The following PHF14 variants were observed in gnomAD, a reference collection of about 807,000 sequenced individuals.
PHF14 encodes PHD finger protein 14.
In PHF14, 55 loss-of-function variants were observed where a neutral mutation model predicts 117.9. The ratio of observed to expected loss-of-function variants is 0.47; its 90% CI spans 0.38 to 0.58. The LOEUF (loss-of-function observed/expected upper bound fraction) is 0.58, where lower values mean the gene tolerates loss of function less well. Ranked by LOEUF, PHF14 falls within the 20% of genes least tolerant of loss-of-function variation. The probability of loss-of-function intolerance (pLI) is 0.00; values close to 1 mark genes in which losing one functional copy is unlikely to be tolerated. For missense variants in PHF14, 978 were observed against 1,122.2 expected, an observed-to-expected ratio of 0.87 and a Z score of 1.84; for synonymous variants, 409 against 368.6, an observed-to-expected ratio of 1.11 and a Z score of -1.26.
At chr7:11,093,341 C>G (rs1786717745) in intron 16 of PHF14, among the ~76,000 whole-genome samples, 1 of 152,112 alleles carries the variant, frequency 6.6e-6, no homozygotes, top group Admixed American at 6.6e-5. Flanking sequence ...AATACTTACG[C>G]CTGAAAAGGG....
chr7:11,146,756 A>T (rs990004144), intron 17 of PHF14, among the ~76,000 whole-genome samples: 3 of 152,194 alleles, frequency 2.0e-5, no homozygotes, highest in South Asian at 2.1e-4. Flanking sequence ...ATGTAAATAT[A>T]AAATAAGATG....
At chr7:11,020,912 A>C (rs577075247) in intron 5 of PHF14, among the ~76,000 whole-genome samples, 1 of 152,280 alleles carries the variant, frequency 6.6e-6, no homozygotes, top group Non-Finnish European at 1.5e-5. Context: ...ATACATCTTT[A>C]TAACTTCCAA....
At chr7:11,076,348 G>T (rs1785848473) in intron 16 of PHF14, among the ~76,000 whole-genome samples, 1 of 152,082 alleles carries the variant, frequency 6.6e-6, no homozygotes, top group African/African-American at 2.4e-5. Flanking sequence ...GGTTTTCAAT[G>T]ATATATTTGT....
chr7:11,014,282 C>G (rs1023765225), intron 5 of PHF14, among the ~76,000 whole-genome samples: 1 of 152,022 alleles, frequency 6.6e-6, no homozygotes, highest in African/African-American at 2.4e-5. Context: ...AACTTTATAT[C>G]AGGAGATAGA....
chr7:11,124,095 GA>G (rs201073448), intron 17 of PHF14, among the ~76,000 whole-genome samples: 3 of 143,994 alleles, frequency 2.1e-5, no homozygotes, highest in Non-Finnish European at 3.1e-5. Flanking sequence ...TTGGTATCAG[GA>G]AAAAAAAATA....
intron 7 of PHF14, among the ~76,000 whole-genome samples, chr7:11,029,359 TACACTATA>T (rs144267396): frequency 0.013 from 1,976 of 152,276 alleles, 41 homozygotes; most frequent in African/African-American, 0.045. Flanking sequence ...CTATTTTCAT[TACACTATA>T]AAAATGTTAC....
At chr7:11,070,548 TCTTC>T in intron 16 of PHF14, among the ~76,000 whole-genome samples, 1 of 152,370 alleles carries the variant, frequency 6.6e-6, no homozygotes, top group South Asian at 2.1e-4. Flanking sequence ...CATATTTTCT[TCTTC>T]CTTCTAAGCC....
intron 2 of PHF14, among the ~76,000 whole-genome samples, chr7:10,980,471 A>G (rs17163867): frequency 0.11 from 16,970 of 152,146 alleles, 1,165 homozygotes; most frequent in African/African-American, 0.2. Flanking sequence ...TTTTTACCAG[A>G]TGTGATTTTT....
chr7:11,162,643 T>C (rs903550117), intron 17 of PHF14, among the ~76,000 whole-genome samples: 14 of 151,914 alleles, frequency 9.2e-5, no homozygotes, highest in African/African-American at 3.1e-4. Flanking sequence ...GGCCTTTTTT[T>C]CCCCAGATCA....
intron 17 of PHF14, among the ~76,000 whole-genome samples, chr7:11,153,107 T>TA (rs1021380193): frequency 2.1e-4 from 32 of 152,342 alleles, no homozygotes; most frequent in African/African-American, 7.2e-4. Context: ...TTACAAAGAT[T>TA]ACTGTCTCCT....
At chr7:10,996,706 G>C (rs1782662571) in intron 4 of PHF14, among the ~76,000 whole-genome samples, 2 of 152,324 alleles carry the variant, frequency 1.3e-5, no homozygotes, top group South Asian at 4.1e-4. Context: ...TTAGGCTGGG[G>C]TTTAAGTAGG....
chr7:11,167,767 GC>G (rs1370923490), intron 17 of PHF14, among the ~76,000 whole-genome samples: 6 of 152,150 alleles, frequency 3.9e-5, no homozygotes, highest in South Asian at 2.1e-4. Context: ...AGTGGCTCAC[GC>G]CTGTAATCCC....
intron 4 of PHF14, among the ~76,000 whole-genome samples, chr7:10,996,076 G>A (rs927731964): frequency 1.1e-4 from 17 of 152,338 alleles, no homozygotes; most frequent in African/African-American, 3.4e-4. Flanking sequence ...CTGCCAGCAC[G>A]CTGTCACCTA....
At chr7:11,059,733 C>T (rs948765119) in intron 14 of PHF14, among the ~76,000 whole-genome samples, 4 of 152,028 alleles carry the variant, frequency 2.6e-5, no homozygotes, top group Non-Finnish European at 5.9e-5. Context: ...GAGATTGCTG[C>T]CACTGCACTC....
rs1270797220 is a variant in PHF14, at chr7:11,042,737, C to T, written c.2235C>T (p.Thr745=). The T allele has an allele frequency of 6.3e-7, 1 of 1,592,610 alleles. No homozygotes were observed. Among genetic ancestry groups the T allele is most frequent in the Non-Finnish European group, 8.6e-7 (1 of 1,165,752 alleles). Reference sequence around the variant, plus strand: ...AGCATCTTCTTTTATTGTGTGATACCTGTAAACTACATTACCATCTTGGAT... The same window carrying T: ...AGCATCTTCTTTTATTGTGTGATACTTGTAAACTACATTACCATCTTGGAT... ...HDQHLLLLCD[T]CKLHYHLGCL... Residue 745 remains threonine, a synonymous_variant, in exon 13 of 18, where the codon ACC becomes ACT. Transcript: ENST00000634607.
intron 14 of PHF14, among the ~76,000 whole-genome samples, chr7:11,058,244 G>T (rs950207003): frequency 1.3e-5 from 2 of 151,956 alleles, no homozygotes; most frequent in African/African-American, 4.8e-5. Flanking sequence ...ACTTATTTTC[G>T]TTTTTCTTGC....
At chr7:11,137,153 A>G (rs1401757333) in intron 17 of PHF14, among the ~76,000 whole-genome samples, 1 of 152,210 alleles carries the variant, frequency 6.6e-6, no homozygotes, top group Admixed American at 6.5e-5. Context: ...TGGGTATCAC[A>G]CAAGCATTAC....
intron 14 of PHF14, among the ~76,000 whole-genome samples, chr7:11,059,291 T>C (rs1438572067): frequency 6.6e-6 from 1 of 152,214 alleles, no homozygotes; most frequent in African/African-American, 2.4e-5. Flanking sequence ...AGCATTAAAA[T>C]ACATACTTGA....
intron 16 of PHF14, among the ~76,000 whole-genome samples, chr7:11,083,768 C>A (rs1019247462): frequency 6.6e-6 from 1 of 152,044 alleles, no homozygotes; most frequent in African/African-American, 2.4e-5. Flanking sequence ...CCTGCTTTCC[C>A]TAATTTTACC....
Sources: allele counts gnomAD v4.1 joint callset (sites outside exome capture counted in the v4.1 genomes callset), GRCh38; gene constraint gnomAD v4.1.1; transcripts MANE v1.5; gene names NCBI Gene and HGNC (gene_info 2026-07-23, HGNC 2026-07-21).